The following CD47 variants were observed in gnomAD, a reference collection of about 807,000 sequenced individuals.
CD47 encodes the protein leukocyte surface antigen CD47.
In CD47, 11 loss-of-function variants were observed where a neutral mutation model predicts 44.6. The ratio of observed to expected loss-of-function variants is 0.25; its 90% CI spans 0.16 to 0.41. CD47 has a LOEUF of 0.41. Ranked by LOEUF, CD47 falls within the 10% of genes least tolerant of loss-of-function variation. The pLI is 1.00. For synonymous variants in CD47, 140 were observed against 136.3 expected (o/e 1.03, Z -0.19); for missense variants, 306 against 386.7 (o/e 0.79, Z 1.75).
chr3:108,085,543 T>C (rs1249461076), intron 1 of CD47, among the ~76,000 whole-genome samples: 1 of 152,304 alleles, frequency 6.6e-6, no homozygotes, highest in East Asian at 1.9e-4. Flanking sequence ...ACAGTTGAGT[T>C]GTTCAATCTT....
Position 108,059,503 on chromosome 3 carries a change from C to A in CD47, c.640G>T (p.Val214Leu). 6.5e-7 allele frequency: 1 copy of A among 1,527,898 alleles called. No individual in the cohort carries two copies. The highest frequency in any genetic ancestry group is 1.2e-5 in the South Asian group (1 of 80,568). 94.6% of individuals were successfully genotyped at this position (1,527,898 alleles called of 1,614,324 possible). ...LKNATGLGLI[V>L]TSTGILILLH... ...AATATTAATATCCCTGTAGAAGTCA[C>A]AATTAAACCAAGGCCAGTAGCATTC... The change falls in exon 5 of 11, where the codon GTG becomes TTG. Residue 214 changes from valine (V) to leucine (L), a missense_variant. By Grantham distance (32) the Val-to-Leu change is conservative (BLOSUM62 1). Transcript: ENST00000361309.
In CD47 at chr3:108,058,419, T is replaced by C. The variant is rs757952239; in HGVS notation, c.702A>G (p.Leu234=). 1 of 1,561,326 alleles carries C rather than the reference T, an allele frequency of 6.4e-7. No homozygotes were observed. The highest frequency in any genetic ancestry group is 1.2e-5 in the South Asian group (1 of 84,794). The change falls in exon 6 of 11, where the codon TTA becomes TTG. Residue 234 remains leucine (L), a synonymous_variant. Transcript: ENST00000361309. ...HYYVFSTAIG[L]TSFVIAILVI... ...CCAATATGGCAATGACGAAGGAGGT[T>C]AATCCAATCGCTGGAGGAAGGAAAA...
Position 108,071,252 on chromosome 3 carries a change from T to C in CD47, c.401-70A>G, listed in dbSNP as rs553945222. ...CACTTTAAATTCTGCTAATGGTCTA[T>C]AATACATGCTTTATTATAGAGATGG... On this transcript the variant is annotated intron_variant, in intron 2 of 10. Coordinates refer to ENST00000361309, the MANE Select transcript of CD47 (RefSeq NM_001777.4). 749 of 698,640 alleles carry C rather than the reference T, an allele frequency of 1.1e-3. 6 individuals are homozygous for C. Among genetic ancestry groups the C allele is most frequent in the African/African-American group, 1.4e-3 (79 of 54,554 alleles). The allele number at this position is 698,640 out of a possible 1,614,324, so 43.3% of individuals were successfully genotyped here.
chr3:108,061,559 T>C (rs7653452), intron 3 of CD47, among the ~76,000 whole-genome samples: 83,374 of 152,044 alleles, frequency 0.55, 23,025 homozygotes, highest in East Asian at 0.7. Flanking sequence ...AAAGACTCAA[T>C]GGGATTCATC....
At chr3:108,090,683 G>C (rs2108280329) in intron 1 of CD47, among the ~76,000 whole-genome samples, 180 bp downstream of exon 1, 1 of 152,286 alleles carries the variant, frequency 6.6e-6, no homozygotes, top group East Asian at 1.9e-4. Context: ...GGAGGAAGAA[G>C]GGGGGCGCCC....
intron 3 of CD47, among the ~76,000 whole-genome samples, chr3:108,068,532 A>G (rs190635051): frequency 1.5e-4 from 23 of 152,318 alleles, no homozygotes; most frequent in African/African-American, 5.3e-4. Flanking sequence ...TCATGGAAAT[A>G]AAATCCTCAA....
At chr3:108,089,214 T>C (rs1221755028) in intron 1 of CD47, among the ~76,000 whole-genome samples, 1 of 152,232 alleles carries the variant, frequency 6.6e-6, no homozygotes, top group Non-Finnish European at 1.5e-5. Flanking sequence ...TATTTTGCTT[T>C]TTTTTTAGGT....
intron 5 of CD47, 32 bp downstream of exon 5, chr3:108,059,420 G>T: frequency 9.1e-7 from 1 of 1,094,880 alleles, no homozygotes; most frequent in South Asian, 1.7e-5. Context: ...GAAAAAGGTA[G>T]ACAAAATCAT....
intron 3 of CD47, among the ~76,000 whole-genome samples, chr3:108,067,288 A>T (rs1469415063): frequency 6.6e-6 from 1 of 152,222 alleles, no homozygotes. Flanking sequence ...ATTCATCATG[A>T]AGATTGTTTT....
At chr3:108,058,110 C>T (rs923409343) in intron 6 of CD47, among the ~76,000 whole-genome samples, 17 of 152,080 alleles carry the variant, frequency 1.1e-4, no homozygotes, top group Non-Finnish European at 2.2e-4. Context: ...TTTACAGTCC[C>T]GTAATTGCAC....
rs1450340346 is a variant in CD47 at position 108,049,643 on chromosome 3, CT to C, written c.942del (p.Glu315AsnfsTer5). ...KAVEEPLNAFKESKGMMNDE is the reference protein window; with the variant it reads ...KAVEEPLNAFXESKGMMNDE ...CCATCATTCATCATTCCTTTTGATT[CT>C]TTGAATGCTAGGATTAGTAACAAGC... On this transcript the variant is annotated frameshift_variant, in exon 10 of 11. Coordinates refer to ENST00000361309, the MANE Select transcript of CD47 (RefSeq NM_001777.4). LOFTEE classifies it high-confidence loss of function. The C allele has an allele frequency of 7.5e-6, 12 of 1,599,936 alleles. No homozygotes were observed. Among genetic ancestry groups the C allele is most frequent in the Non-Finnish European group, 9.4e-6 (11 of 1,167,250 alleles).
intron 1 of CD47, among the ~76,000 whole-genome samples, chr3:108,084,520 T>C (rs995856298): frequency 1.3e-5 from 2 of 152,092 alleles, no homozygotes; most frequent in Non-Finnish European, 2.9e-5. Context: ...CATGGTTTTC[T>C]TCACCTGCAA....
Position 108,089,306 on chromosome 3 carries a change from A to G in CD47, c.46+1557T>C, listed in dbSNP as rs117459861. Among the ~76,000 whole-genome samples the G allele has an allele frequency of 3.3e-5, 5 of 152,342 alleles. No homozygotes were observed. The East Asian group carries it at 9.6e-4, about 29-fold the overall frequency. On this transcript the variant is annotated intron_variant, in intron 1 of 10. Coordinates refer to ENST00000361309, the MANE Select transcript of CD47 (RefSeq NM_001777.4). ...ATTCGAACACATTAAAATTGTGTGT[A>G]AACGAGTGCTAATTACATGATATTA...
At chr3:108,065,112 A>C (rs961566083) in intron 3 of CD47, among the ~76,000 whole-genome samples, 7 of 152,232 alleles carry the variant, frequency 4.6e-5, no homozygotes, top group African/African-American at 1.4e-4. Flanking sequence ...AATAATCTCC[A>C]TACACTATCC....
At chr3:108,077,763 A>C (rs544606977) in intron 2 of CD47, among the ~76,000 whole-genome samples, 1 of 152,272 alleles carries the variant, frequency 6.6e-6, no homozygotes, top group African/African-American at 2.4e-5. Context: ...AAACTTGGAT[A>C]GATCTCAAGG....
chr3:108,064,292 G>A (rs1294355403), intron 3 of CD47, among the ~76,000 whole-genome samples: 1 of 152,142 alleles, frequency 6.6e-6, no homozygotes, highest in African/African-American at 2.4e-5. Flanking sequence ...TGTGAGTGAT[G>A]AGTATGTTAC....
At chr3:108,078,244 T>G (rs1488590782) in intron 2 of CD47, among the ~76,000 whole-genome samples, 1 of 152,072 alleles carries the variant, frequency 6.6e-6, no homozygotes. Flanking sequence ...AACAATACTT[T>G]CTCCTTTTAA....
intron 6 of CD47, 79 bp from the exon 7 acceptor site, chr3:108,057,648 AAG>A (rs1385610832): frequency 5.3e-6 from 4 of 761,540 alleles, no homozygotes; most frequent in African/African-American, 3.5e-5. Flanking sequence ...CCCAAGTTTT[AAG>A]AGAGTTATTC....
At chr3:108,073,860 C>T (rs1560017958) in intron 2 of CD47, among the ~76,000 whole-genome samples, 1 of 152,192 alleles carries the variant, frequency 6.6e-6, no homozygotes, top group African/African-American at 2.4e-5. Flanking sequence ...CCAACAAACG[C>T]AGTCCTGAGC....
Sources: allele counts gnomAD v4.1 joint callset (sites outside exome capture counted in the v4.1 genomes callset), GRCh38; gene constraint gnomAD v4.1.1; transcripts MANE v1.5; gene names NCBI Gene and HGNC (gene_info 2026-07-23, HGNC 2026-07-21).